Variants in EPM2A observed in about 807,000 individuals in gnomAD.
EPM2A encodes the protein laforin.
A neutral mutation model predicts 26.5 loss-of-function variants in EPM2A; 21 were observed. The ratio of observed to expected loss-of-function variants is 0.79; its 90% CI spans 0.56 to 1.14. The LOEUF (loss-of-function observed/expected upper bound fraction) is 1.14, where lower values mean the gene tolerates loss of function less well. Ranked by LOEUF, EPM2A falls within the 50% of genes most tolerant of loss-of-function variation. EPM2A has a pLI of 0.00. For synonymous variants in EPM2A, 217 were observed against 177.6 expected, an observed-to-expected ratio of 1.22 and a Z score of -1.76; for missense variants, 458 against 440.8, an observed-to-expected ratio of 1.04 and a Z score of -0.35.
chr6:145,691,542 A>G (rs941238770), intron 1 of EPM2A, among the ~76,000 whole-genome samples: 38 of 152,164 alleles, frequency 2.5e-4, no homozygotes, highest in Admixed American at 2.1e-3. Context: ...CACAGTAAAC[A>G]AAATTATAAG....
chr6:145,605,033 G>A (rs927922169), intron 2 of EPM2A, among the ~76,000 whole-genome samples: 1 of 152,090 alleles, frequency 6.6e-6, no homozygotes, highest in Admixed American at 6.6e-5. Flanking sequence ...CTAATGGAGA[G>A]GGGTAATCAT....
chr6:145,724,562 A>G (rs997237591), intron 1 of EPM2A, among the ~76,000 whole-genome samples: 1 of 152,134 alleles, frequency 6.6e-6, no homozygotes, highest in African/African-American at 2.4e-5. Context: ...ACAATTTTGA[A>G]GAACAAGAAC....
chr6:145,416,098 G>A (rs1225324582), intron 4 of EPM2A, among the ~76,000 whole-genome samples: 1 of 152,138 alleles, frequency 6.6e-6, no homozygotes, highest in African/African-American at 2.4e-5. Flanking sequence ...ACTTAGGGAT[G>A]GAGGTCATGG....
intron 1 of EPM2A, among the ~76,000 whole-genome samples, chr6:145,725,993 C>A (rs1776186750): frequency 6.6e-6 from 1 of 152,054 alleles, no homozygotes. Context: ...GGAAGAGGCA[C>A]ACTCACTGCC....
intron 2 of EPM2A, chr6:145,637,263 T>C (rs1056237960): frequency 3.3e-5 from 5 of 152,230 alleles, no homozygotes; most frequent in African/African-American, 9.6e-5. Flanking sequence ...GAGTAGAAGA[T>C]ACCCTATTTT....
chr6:145,561,420 T>C (rs1780803080), intron 2 of EPM2A, among the ~76,000 whole-genome samples: 1 of 152,204 alleles, frequency 6.6e-6, no homozygotes, highest in Non-Finnish European at 1.5e-5. Flanking sequence ...TAATATTCTA[T>C]ATTCAGTTTT....
chr6:145,692,222 C>CA (rs1175454271), intron 1 of EPM2A, among the ~76,000 whole-genome samples: 2 of 151,780 alleles, frequency 1.3e-5, no homozygotes, highest in African/African-American at 4.8e-5. Flanking sequence ...ATACGTAAAG[C>CA]AAAAAACTGA....
chr6:145,442,865 AT>A (rs35175914), intron 4 of EPM2A, among the ~76,000 whole-genome samples: 104,005 of 147,262 alleles, frequency 0.71, 37,797 homozygotes, highest in East Asian at 0.84. Context: ...CTTTCTTACT[AT>A]TTTTTTTTTT....
chr6:145,519,602 G>C (rs979757785), intron 2 of EPM2A, among the ~76,000 whole-genome samples: 57 of 152,134 alleles, frequency 3.7e-4, no homozygotes, highest in African/African-American at 1.4e-3. Context: ...GAGGATGTTA[G>C]AATGCAGGGA....
chr6:145,397,693 C>T (rs1778424279), intron 4 of EPM2A, among the ~76,000 whole-genome samples: 2 of 152,194 alleles, frequency 1.3e-5, no homozygotes, highest in Admixed American at 1.3e-4. Flanking sequence ...AGTTAAAAGA[C>T]TCCATTTAGC....
At chr6:145,501,314 G>A (rs1017175190), downstream of EPM2A, among the ~76,000 whole-genome samples, 1 of 152,130 alleles carries the variant, frequency 6.6e-6, no homozygotes, top group African/African-American at 2.4e-5. Context: ...AATATTCCTG[G>A]TGGCATCACA....
intron 4 of EPM2A, among the ~76,000 whole-genome samples, chr6:145,405,228 C>T (rs1778550471): frequency 6.6e-6 from 1 of 152,130 alleles, no homozygotes; most frequent in African/African-American, 2.4e-5. Context: ...TCATCTTATA[C>T]CTCTTCCAGA....
chr6:145,544,526 A>G (rs1780557486), intron 2 of EPM2A, among the ~76,000 whole-genome samples: 1 of 152,230 alleles, frequency 6.6e-6, no homozygotes, highest in Non-Finnish European at 1.5e-5. Flanking sequence ...TATCAAGTTC[A>G]GGATCCAAGT....
chr6:145,462,356 C>T (rs558434220), intron 4 of EPM2A, among the ~76,000 whole-genome samples: 1 of 152,150 alleles, frequency 6.6e-6, no homozygotes, highest in Non-Finnish European at 1.5e-5. Flanking sequence ...ATATATCATT[C>T]CCTTTTTGCA....
chr6:145,542,995 G>T (rs1780535388), intron 2 of EPM2A, among the ~76,000 whole-genome samples: 1 of 151,596 alleles, frequency 6.6e-6, no homozygotes, highest in Admixed American at 6.6e-5. Flanking sequence ...TTGACCTCAG[G>T]TGATCCACCA....
chr6:145,472,232 A>T (rs967589009), intron 4 of EPM2A, among the ~76,000 whole-genome samples: 1 of 151,400 alleles, frequency 6.6e-6, no homozygotes, highest in African/African-American at 2.4e-5. Flanking sequence ...TAACTGAAGG[A>T]CCCCTGGGCC....
intron 4 of EPM2A, among the ~76,000 whole-genome samples, chr6:145,457,449 A>G (rs957358216): frequency 6.7e-6 from 1 of 148,860 alleles, no homozygotes; most frequent in South Asian, 2.1e-4. Flanking sequence ...ATGCCACTGC[A>G]CCTCAGCCTG....
chr6:145,454,375 G>A (rs949257458), intron 4 of EPM2A, among the ~76,000 whole-genome samples: 1 of 152,106 alleles, frequency 6.6e-6, no homozygotes, highest in African/African-American at 2.4e-5. Context: ...AAGCCCCAAA[G>A]CTGGTTTTTA....
chr6:145,434,582 G>T (rs553663762), intron 4 of EPM2A, among the ~76,000 whole-genome samples: 16 of 151,862 alleles, frequency 1.1e-4, no homozygotes, highest in African/African-American at 3.9e-4. Context: ...TTCACCTATT[G>T]GCTTGAAAAT....
Sources: allele counts gnomAD v4.1 joint callset (sites outside exome capture counted in the v4.1 genomes callset), GRCh38; gene constraint gnomAD v4.1.1; transcripts MANE v1.5; gene names NCBI Gene and HGNC (gene_info 2026-07-23, HGNC 2026-07-21).